DIS3: variants seen among roughly 807,000 people sequenced by gnomAD.
The protein encoded by DIS3 is DIS3 exosome endoribonuclease and 3'-5' exoribonuclease.
Under a neutral mutation model 113.0 loss-of-function variants are expected in DIS3, and 103 were observed. The ratio of observed to expected loss-of-function variants is 0.91; its 90% CI spans 0.78 to 1.07. The LOEUF (loss-of-function observed/expected upper bound fraction) is 1.07, where lower values mean the gene tolerates loss of function less well. DIS3 is among the 50% of genes least tolerant of loss of function. The pLI is 0.00. For missense variants in DIS3, 1,121 were observed against 1,167.1 expected, an observed-to-expected ratio of 0.96 and a Z score of 0.58; for synonymous variants, 402 against 394.3, an observed-to-expected ratio of 1.02 and a Z score of -0.23.
In DIS3 at chr13:72,773,715, T is replaced by C. The variant is rs1310582067; in HGVS notation, c.1208A>G (p.Asp403Gly). ...LEGRRIIVAI[D>G]GWPRNSRYPN... ...ATATCTGGAATTTCTGGGCCAACCATCAATAGCAACAATAATTCTCCGTCC... is the reference window on the plus strand; with the variant it reads ...ATATCTGGAATTTCTGGGCCAACCACCAATAGCAACAATAATTCTCCGTCC... Residue 403 changes from aspartate (D) to glycine (G), a missense_variant, in exon 8 of 21, where the codon GAT (aspartate) becomes GGT (glycine). Asp to Gly is a moderately conservative substitution (Grantham distance 94). Around this residue, in one of 3 missense-constraint regions of DIS3, gnomAD observed 861 missense variants for 915.5 expected, o/e 0.94. Coordinates refer to ENST00000377767, the MANE Select transcript of DIS3 (RefSeq NM_014953.5). 6.2e-7 allele frequency: 1 copy of C among 1,612,712 alleles called. No individual in the cohort carries two copies. Among genetic ancestry groups the C allele is most frequent in the East Asian group, 2.2e-5 (1 of 44,840 alleles).
At position 72,769,042 on chromosome 13, in the gene DIS3, T is replaced by C. The variant is rs553842293; in HGVS notation, c.1756-130A>G. ...CTAAAATCAGTAACAAAATAGAAAT[T>C]CTTAGCTATGATATTATACTTCACA... is the stretch of plus-strand genomic sequence containing the variant. On this transcript the variant is annotated intron_variant, in intron 13 of 20. Coordinates refer to ENST00000377767, the MANE Select transcript of DIS3 (RefSeq NM_014953.5). 1.6e-3 allele frequency: 906 copies of C among 556,184 alleles called. 1 individual carries two copies. The highest frequency in any genetic ancestry group is 2.3e-3 in the Non-Finnish European group (744 of 324,542). The allele number at this position is 556,184 out of a possible 1,614,324, so 34.5% of individuals were successfully genotyped here. A position where few individuals can be genotyped will look rare whatever the true frequency, so the allele number is the denominator to read the frequency against.
chr13:72,761,312 CAAAGAA>C (rs1449432446), intron 19 of DIS3, 45 bp downstream of exon 19: 5 of 1,559,300 alleles, frequency 3.2e-6, no homozygotes, highest in Admixed American at 2.3e-5. Context: ...TATGAACTCT[CAAAGAA>C]AAAGTGCCCC....
At position 72,761,639 on chromosome 13, in the gene DIS3, C is replaced by T. The variant is rs751558276; in HGVS notation, c.2511+7G>A. 6.3e-7 allele frequency: 1 copy of T among 1,577,706 alleles called. No individual in the cohort carries two copies. The highest frequency in any genetic ancestry group is 1.4e-5 in the African/African-American group (1 of 72,984). ...TTTTTCTAGCAGTATCGACAAAAGG[C>T]AAATACCTGGGTATGAAAAGCCACT... On this transcript the variant is annotated splice_region_variant and intron_variant, in intron 18 of 20. Coordinates refer to ENST00000377767, the MANE Select transcript of DIS3 (RefSeq NM_014953.5).
chr13:72,778,080 G>A, intron 3 of DIS3, 107 bp downstream of exon 3: 2 of 980,908 alleles, frequency 2.0e-6, no homozygotes, highest in Non-Finnish European at 2.8e-6. Flanking sequence ...AGTTATATAG[G>A]ACTACGAAAA....
At chr13:72,770,832 A>C in intron 13 of DIS3, 72 bp downstream of exon 13, 3 of 1,085,822 alleles carry the variant, frequency 2.8e-6, no homozygotes, top group Non-Finnish European at 3.9e-6. Flanking sequence ...AATCTTTAAA[A>C]AATTTATTTA....
chr13:72,776,413 G>A (rs2034020125), intron 4 of DIS3, among the ~76,000 whole-genome samples: 1 of 151,660 alleles, frequency 6.6e-6, no homozygotes, highest in East Asian at 1.9e-4. Flanking sequence ...TAACTAAGTG[G>A]CTACATATTA....
intron 14 of DIS3, among the ~76,000 whole-genome samples, chr13:72,767,344 G>A (rs1284947945): frequency 6.6e-6 from 1 of 151,816 alleles, no homozygotes; most frequent in Non-Finnish European, 1.5e-5. Context: ...AATAAATACA[G>A]CTTCAATTTG....
intron 13 of DIS3, among the ~76,000 whole-genome samples, 154 bp downstream of exon 13, chr13:72,770,750 A>G (rs1312603384): frequency 6.6e-6 from 1 of 152,134 alleles, no homozygotes; most frequent in Non-Finnish European, 1.5e-5. Flanking sequence ...GTAAATATAC[A>G]TATAATTATA....
At chr13:72,768,690 C>A (rs1405834441) in intron 14 of DIS3, 95 bp downstream of exon 14, 2 of 914,746 alleles carry the variant, frequency 2.2e-6, no homozygotes, top group South Asian at 2.4e-5. Context: ...AAACAGGAGT[C>A]TCTATTCACC....
Position 72,773,377 on chromosome 13 carries a change from G to A in DIS3, c.1239+307C>T, listed in dbSNP as rs561260821. ...ATCGGGAGGCTGAGACACAAGAATC[G>A]CTTGAACCTGGGAGGCTGAGGGTGC... On this transcript the variant is annotated intron_variant, in intron 8 of 20. Transcript: ENST00000377767. Among the ~76,000 whole-genome samples, 11 of 152,168 alleles carry A rather than the reference G, an allele frequency of 7.2e-5. No individual in the cohort carries two copies. The East Asian group carries it at 1.9e-3, about 27-fold the overall frequency.
At position 72,775,177 on chromosome 13, in the gene DIS3, CACAG is replaced by C. The variant is rs1011034621; in HGVS notation, c.987+30_987+33del. 5.7e-6 allele frequency: 9 copies of C among 1,573,782 alleles called. No homozygotes were observed. In the Admixed American group the frequency reaches 1.5e-4, roughly 26 times the overall value. ...CTGACATATTAATAATACAAAGCTA[CACAG>C]ACAAAAAAAAATCCTGCTTAGATTC... On this transcript the variant is annotated intron_variant, in intron 6 of 20. Transcript: ENST00000377767.
chr13:72,771,142 T>C lies in DIS3; in HGVS notation c.1609A>G (p.Ile537Val), dbSNP rs372243051. The change falls in exon 12 of 21, where the codon ATT becomes GTT. Residue 537 changes from isoleucine (I) to valine (V), a missense_variant. Physicochemically the swap from Ile to Val is conservative, Grantham distance 29. Around this residue, in one of 3 missense-constraint regions of DIS3, gnomAD observed 861 missense variants for 915.5 expected, o/e 0.94. Coordinates refer to ENST00000377767, the MANE Select transcript of DIS3 (RefSeq NM_014953.5). ...CTAAGCAACTCTGGAACCATGTCAA[T>C]CCTCTGCAAAAGATAAAAATAGAAC... ...GTTVYLCEKR[I>V]DMVPELLSSN... 6.2e-7 allele frequency: 1 copy of C among 1,612,992 alleles called. No individual in the cohort carries two copies. The highest frequency in any genetic ancestry group is 8.5e-7 in the Non-Finnish European group (1 of 1,179,406).
chr13:72,775,802 A>T, intron 5 of DIS3, 123 bp downstream of exon 5: 1 of 872,674 alleles, frequency 1.1e-6, no homozygotes, highest in Non-Finnish European at 1.6e-6. Flanking sequence ...GAAAAAAGTT[A>T]CTATTTGCTT....
At chr13:72,767,569 G>A (rs1358800555) in intron 14 of DIS3, among the ~76,000 whole-genome samples, 1 of 152,094 alleles carries the variant, frequency 6.6e-6, no homozygotes, top group Non-Finnish European at 1.5e-5. Context: ...AAACTGAGGT[G>A]TTAGTAGACA....
At position 72,778,177 on chromosome 13, in the gene DIS3, T is replaced by A; in HGVS notation, c.580+10A>T. The A allele has an allele frequency of 6.4e-7, 1 of 1,565,712 alleles. No homozygotes were observed. On this transcript the variant is annotated intron_variant, in intron 3 of 20. Coordinates refer to ENST00000377767, the MANE Select transcript of DIS3 (RefSeq NM_014953.5). Reference sequence around the variant, plus strand: ...AAACATGCACTAAGTACTTCTACATTTAGACTTACAAGTGAAAGCTGGTAT... The same window carrying A: ...AAACATGCACTAAGTACTTCTACATATAGACTTACAAGTGAAAGCTGGTAT...
rs1422231116 is a variant in DIS3 at position 72,752,722 on chromosome 13, C to T, written c.*7073G>A. The T allele has an allele frequency of 6.6e-6, 1 of 152,110 alleles. No homozygotes were observed. The highest frequency in any genetic ancestry group is 1.5e-5 in the Non-Finnish European group (1 of 68,022). The allele number at this position is 152,110 out of a possible 1,614,324, so 9.4% of individuals were successfully genotyped here. On this transcript the variant is annotated 3_prime_UTR_variant, in exon 21 of 21. Coordinates refer to ENST00000377767, the MANE Select transcript of DIS3 (RefSeq NM_014953.5). The stretch of plus-strand genomic sequence containing the variant: ...TTGGAACATGACCTCTAGTAGTAAG[C>T]AGATATGTATCCAGCCTTGAAATCT...
intron 5 of DIS3, 144 bp downstream of exon 5, chr13:72,775,780 CA>C (rs34507729): frequency 0.074 from 38,484 of 519,870 alleles, no homozygotes; most frequent in South Asian, 0.11. Context: ...GTGAGCACTG[CA>C]AAAAAAAAAA....
chr13:72,770,801 G>T, intron 13 of DIS3, 103 bp downstream of exon 13: 1 of 496,962 alleles, frequency 2.0e-6, no homozygotes, highest in Non-Finnish European at 3.4e-6. Flanking sequence ...TTTTATATAT[G>T]TGTATATATA....
intron 1 of DIS3, 109 bp downstream of exon 1, chr13:72,781,496 G>T (rs759878016): frequency 7.0e-7 from 1 of 1,428,492 alleles, no homozygotes; most frequent in Non-Finnish European, 9.3e-7. Flanking sequence ...TTTCCCTTTC[G>T]CTAGGTATGT....
Sources: gnomAD v4.1 joint callset for allele counts (sites outside exome capture counted in the v4.1 genomes callset) on GRCh38, gnomAD v4.1.1 for gene constraint, gnomAD v4.1.1 regional missense constraint, MANE v1.5 for transcripts, NCBI Gene and HGNC (gene_info 2026-07-23, HGNC 2026-07-21) for gene names.